Variants in PCDH11X observed in about 807,000 individuals in gnomAD.
The protein encoded by PCDH11X is protocadherin-11 X-linked.
Under a neutral mutation model 53.3 loss-of-function variants are expected in PCDH11X, and 18 were observed. The ratio of observed to expected loss-of-function variants is 0.34; its 90% CI spans 0.23 to 0.50. PCDH11X has a LOEUF of 0.50. PCDH11X is among the 20% of genes least tolerant of loss of function. The pLI, the probability that PCDH11X is intolerant of heterozygous loss-of-function variation, is 0.98. For synonymous variants in PCDH11X, 279 were observed against 393.3 expected (o/e 0.71, Z 3.44); for missense variants, 570 against 1,032.4 (o/e 0.55, Z 6.14).
At chrX:92,575,999 TATATATATATATACAC>T (rs1302579649) in intron 10 of PCDH11X, among the ~76,000 whole-genome samples, 1,262 of 38,382 alleles carry the variant, frequency 0.033, 65 homozygotes, top group African/African-American at 0.12. Context: ...TATATATATA[TATATATATATATACAC>T]ACACACACAC....
chrX:92,311,535 A>T (rs1028986234), intron 8 of PCDH11X, among the ~76,000 whole-genome samples: 1 of 111,804 alleles, frequency 8.9e-6, no homozygotes, highest in Non-Finnish European at 1.9e-5. Flanking sequence ...AAGCCACCAC[A>T]TTTGGCAATT....
At chrX:92,002,566 C>T (rs1346021147) in intron 6 of PCDH11X, among the ~76,000 whole-genome samples, 1 of 110,244 alleles carries the variant, frequency 9.1e-6, no homozygotes, top group Non-Finnish European at 1.9e-5. Context: ...GTGCACTCTT[C>T]AATTTATTTC....
intron 6 of PCDH11X, among the ~76,000 whole-genome samples, chrX:91,977,512 T>C (rs2062062664): frequency 8.9e-6 from 1 of 111,882 alleles, no homozygotes. Flanking sequence ...AAGACTTCTC[T>C]CTTGCTTTCT....
At chrX:92,344,498 G>A (rs1332434527) in intron 8 of PCDH11X, among the ~76,000 whole-genome samples, 3 of 102,366 alleles carry the variant, frequency 2.9e-5, no homozygotes, top group Non-Finnish European at 3.9e-5. Context: ...TAGATGAGGG[G>A]GATTTTGTTT....
chrX:92,312,943 A>G (rs1465785417), intron 8 of PCDH11X, among the ~76,000 whole-genome samples: 1 of 111,364 alleles, frequency 9.0e-6, no homozygotes, highest in African/African-American at 3.3e-5. Flanking sequence ...CACTTAGTCT[A>G]GTACCTGAAA....
intron 6 of PCDH11X, among the ~76,000 whole-genome samples, chrX:92,152,783 GTATGTATGTATGTATT>G (rs2065460089): frequency 9.7e-6 from 1 of 103,545 alleles, no homozygotes; most frequent in African/African-American, 3.5e-5. Context: ...ATGTATGTAT[GTATGTATGTATGTATT>G]TATTTATTTA....
chrX:92,596,873 G>A (rs1252608620), intron 10 of PCDH11X, among the ~76,000 whole-genome samples: 13 of 109,143 alleles, frequency 1.2e-4, no homozygotes, highest in African/African-American at 4.3e-4. Flanking sequence ...TGACCAAGAA[G>A]TCTTTATTCC....
At chrX:92,417,647 T>G (rs1406606967) in intron 9 of PCDH11X, among the ~76,000 whole-genome samples, 2 of 110,725 alleles carry the variant, frequency 1.8e-5, no homozygotes, top group Non-Finnish European at 3.8e-5. Context: ...TTCTGCTCCT[T>G]GCTCACTCTA....
chrX:92,588,872 T>C (rs12845969), intron 10 of PCDH11X, among the ~76,000 whole-genome samples: 1 of 110,465 alleles, frequency 9.1e-6, no homozygotes, highest in South Asian at 3.9e-4. Flanking sequence ...AGGCATTTAA[T>C]AATGAAATTT....
intron 8 of PCDH11X, among the ~76,000 whole-genome samples, chrX:92,334,041 A>G (rs2069555794): frequency 9.0e-6 from 1 of 111,596 alleles, no homozygotes; most frequent in Non-Finnish European, 1.9e-5. Context: ...ATTTTTTTCA[A>G]TGAATACTGT....
At chrX:92,523,116 T>C (rs1390393184) in intron 10 of PCDH11X, among the ~76,000 whole-genome samples, 1 of 111,997 alleles carries the variant, frequency 8.9e-6, no homozygotes, top group Non-Finnish European at 1.9e-5. Context: ...TAATGTCTTT[T>C]CCCCCAGAAT....
intron 6 of PCDH11X, among the ~76,000 whole-genome samples, chrX:92,001,558 G>A (rs368474279): frequency 1.1e-4 from 12 of 104,553 alleles, no homozygotes; most frequent in African/African-American, 2.1e-4. Flanking sequence ...AACCTCTGAC[G>A]CCTGGGTTCA....
intron 6 of PCDH11X, among the ~76,000 whole-genome samples, chrX:91,970,040 A>G (rs2061929801): frequency 9.0e-6 from 1 of 110,722 alleles, no homozygotes; most frequent in South Asian, 3.8e-4. Context: ...GAAGTTGCAG[A>G]CCATCACAGT....
intron 10 of PCDH11X, among the ~76,000 whole-genome samples, chrX:92,553,955 A>G (rs755018301): frequency 1.8e-5 from 2 of 111,516 alleles, no homozygotes; most frequent in African/African-American, 6.5e-5. Flanking sequence ...ATTCTCCATT[A>G]TGGGAAAATA....
rs758937066 is a variant in PCDH11X at position 91,870,097 on chromosome X, G to A, written c.541-6684G>A. On this transcript the variant is annotated intron_variant, in intron 5 of 10. Transcript: ENST00000682573. The stretch of plus-strand genomic sequence containing the variant: ...AAAAGCTGACTTTTCAAAATCAAGG[G>A]AAGAATAGACTAAAAAAAATGGACC... 4.5e-5 allele frequency among the ~76,000 whole-genome samples: 5 copies of A among 111,502 alleles called. No homozygotes were observed. In the East Asian group the frequency reaches 1.4e-3, roughly 32 times the overall value.
At chrX:92,054,300 C>T (rs1431751489) in intron 6 of PCDH11X, among the ~76,000 whole-genome samples, 4 of 111,447 alleles carry the variant, frequency 3.6e-5, no homozygotes. Context: ...TGTCATTTCC[C>T]AATTGTGCAA....
intron 7 of PCDH11X, among the ~76,000 whole-genome samples, chrX:92,245,310 T>C (rs2067328532): frequency 1.8e-5 from 2 of 112,297 alleles, no homozygotes; most frequent in Non-Finnish European, 3.8e-5. Flanking sequence ...TATGGAAATC[T>C]GGCAGCATGA....
intron 6 of PCDH11X, among the ~76,000 whole-genome samples, chrX:92,026,654 C>A (rs1311748602): frequency 2.3e-5 from 2 of 87,449 alleles, no homozygotes; most frequent in Non-Finnish European, 4.3e-5. Context: ...GCATGTGTTT[C>A]TGAGTACTAT....
rs34210767 is a variant in PCDH11X at position 92,622,366 on chromosome X, C to T, written c.*3426C>T. ...TTTTCAATCCTGAGAAAATTAAAGGCGTTTTACTCACATGGCTATTTCAAC... is the reference window on the plus strand; with the variant it reads ...TTTTCAATCCTGAGAAAATTAAAGGTGTTTTACTCACATGGCTATTTCAAC... On this transcript the variant is annotated 3_prime_UTR_variant, in exon 11 of 11. Transcript: ENST00000682573. 1.8e-5 allele frequency: 2 copies of T among 110,728 alleles called. No homozygotes were observed. Among genetic ancestry groups the T allele is most frequent in the African/African-American group, 3.3e-5 (1 of 30,626 alleles). 9.1% of individuals were successfully genotyped at this position (110,728 alleles called of 1,213,427 possible).
Sources: allele counts gnomAD v4.1 joint callset (sites outside exome capture counted in the v4.1 genomes callset), GRCh38; gene constraint gnomAD v4.1.1; transcripts MANE v1.5; gene names NCBI Gene and HGNC (gene_info 2026-07-23, HGNC 2026-07-21).